Variants in MECOM observed in about 807,000 individuals in gnomAD.
MECOM encodes histone-lysine N-methyltransferase MECOM.
A neutral mutation model predicts 116.3 loss-of-function variants in MECOM; 13 were observed. The observed-to-expected ratio is 0.11, with a 90% CI of 0.07 to 0.18. The LOEUF (loss-of-function observed/expected upper bound fraction) is 0.18, where lower values mean the gene tolerates loss of function less well. Among genes scored for constraint, MECOM ranks in the 10% least tolerant of loss-of-function variants. The pLI is 1.00. For synonymous variants in MECOM, 528 were observed against 535.2 expected (o/e 0.99, Z 0.19); for missense variants, 1,299 against 1,509.0 (o/e 0.86, Z 2.31).
At chr3:169,569,953 A>G (rs915839682) in intron 1 of MECOM, among the ~76,000 whole-genome samples, 1 of 152,188 alleles carries the variant, frequency 6.6e-6, no homozygotes, top group Non-Finnish European at 1.5e-5. Flanking sequence ...AAGAGCAAAC[A>G]AATTCAAAAA....
intron 9 of MECOM, among the ~76,000 whole-genome samples, chr3:169,111,012 A>G (rs1727198127): frequency 6.6e-6 from 1 of 152,210 alleles, no homozygotes; most frequent in African/African-American, 2.4e-5. Context: ...TAAAATATAT[A>G]CCTACTACAT....
chr3:169,557,361 C>G (rs981776626), intron 1 of MECOM, among the ~76,000 whole-genome samples: 1 of 152,138 alleles, frequency 6.6e-6, no homozygotes, highest in African/African-American at 2.4e-5. Context: ...TAGTCACCAC[C>G]CCACCCTCAT....
chr3:169,300,853 T>C (rs1379286812), intron 2 of MECOM, among the ~76,000 whole-genome samples: 1 of 152,232 alleles, frequency 6.6e-6, no homozygotes. Flanking sequence ...ACTTCTATAC[T>C]GGAGCCTGGG....
At chr3:169,280,220 G>A (rs1288753095) in intron 2 of MECOM, among the ~76,000 whole-genome samples, 2 of 152,188 alleles carry the variant, frequency 1.3e-5, no homozygotes, top group Non-Finnish European at 2.9e-5. Context: ...GTCAAGATCA[G>A]CTAAATAAAC....
At chr3:169,370,606 A>T (rs1010424272) in intron 2 of MECOM, among the ~76,000 whole-genome samples, 3 of 151,994 alleles carry the variant, frequency 2.0e-5, no homozygotes, top group Non-Finnish European at 4.4e-5. Flanking sequence ...AATGGGAGAA[A>T]ATATTTGCAA....
At chr3:169,109,196 A>G (rs1726473133) in intron 9 of MECOM, among the ~76,000 whole-genome samples, 2 of 152,216 alleles carry the variant, frequency 1.3e-5, no homozygotes, top group Admixed American at 6.5e-5. Flanking sequence ...TTTCAAAATT[A>G]CAGTGACCAT....
intron 1 of MECOM, among the ~76,000 whole-genome samples, chr3:169,662,729 C>T (rs1169919183): frequency 6.6e-6 from 1 of 152,112 alleles, no homozygotes; most frequent in Non-Finnish European, 1.5e-5. Flanking sequence ...CCCGCCCGCG[C>T]AACTTCCAGC....
At chr3:169,211,185 CGTGGCA>C (rs1750683350) in intron 2 of MECOM, among the ~76,000 whole-genome samples, 1 of 152,078 alleles carries the variant, frequency 6.6e-6, no homozygotes, top group African/African-American at 2.4e-5. Context: ...TATTTCCCAA[CGTGGCA>C]GTACCATTTT....
chr3:169,258,233 G>GGAAGAA (rs149469046), intron 2 of MECOM, among the ~76,000 whole-genome samples: 379 of 151,736 alleles, frequency 2.5e-3, no homozygotes, highest in Non-Finnish European at 4.4e-3. Context: ...AAAAGGAAAA[G>GGAAGAA]AAAGAAAAAG....
intron 1 of MECOM, among the ~76,000 whole-genome samples, chr3:169,649,409 C>CAAAAAAAAAAAAAAAA (rs71634436): frequency 1.3e-5 from 1 of 74,450 alleles, no homozygotes; most frequent in Non-Finnish European, 2.4e-5. Context: ...AACTCCATCT[C>CAAAAAAAAAAAAAAAA]AAAAAAAAAA....
At chr3:169,444,447 T>C (rs1407860982) in intron 1 of MECOM, among the ~76,000 whole-genome samples, 1 of 152,116 alleles carries the variant, frequency 6.6e-6, no homozygotes, top group Admixed American at 6.5e-5. Flanking sequence ...AGTGAATAAG[T>C]CTCATGAGAT....
intron 2 of MECOM, among the ~76,000 whole-genome samples, chr3:169,166,971 T>G (rs1743692036): frequency 6.6e-6 from 1 of 152,088 alleles, no homozygotes; most frequent in Non-Finnish European, 1.5e-5. Context: ...CTGAGAGAGA[T>G]GAGTTTAAAG....
chr3:169,134,014 G>A (rs1315080736), intron 3 of MECOM: 29 of 1,194,530 alleles, frequency 2.4e-5, no homozygotes, highest in South Asian at 8.9e-5. Context: ...GTGGCTTCTC[G>A]GAAATAGTGA....
rs184370433 is a variant in MECOM, at chr3:169,365,257, A to T, written c.375+15930T>A. Among the ~76,000 whole-genome samples the T allele has an allele frequency of 2.6e-4, 40 of 152,198 alleles. No homozygotes were observed. The East Asian group carries it at 5.6e-3, about 21-fold the overall frequency. On this transcript the variant is annotated intron_variant, in intron 2 of 16. Transcript: ENST00000651503. ...ACACATCAGCAATAGCTAAAGACGG[A>T]TATGAAATAGCATTGCAAAAGGATA...
At chr3:169,464,404 C>G (rs1279084442) in intron 1 of MECOM, among the ~76,000 whole-genome samples, 4 of 152,194 alleles carry the variant, frequency 2.6e-5, no homozygotes, top group African/African-American at 7.2e-5. Context: ...AAGAAAATCT[C>G]AAAACACTAT....
intron 1 of MECOM, among the ~76,000 whole-genome samples, chr3:169,407,328 C>G (rs529792591): frequency 6.6e-6 from 1 of 152,278 alleles, no homozygotes; most frequent in South Asian, 2.1e-4. Flanking sequence ...CAACCAACTC[C>G]AGGTAATTCT....
chr3:169,091,840 CATAAA>C (rs1251607261), intron 14 of MECOM, among the ~76,000 whole-genome samples: 1 of 140,448 alleles, frequency 7.1e-6, no homozygotes, highest in African/African-American at 2.5e-5. Context: ...GAAAAAATTA[CATAAA>C]ATAATTAATT....
At chr3:169,535,031 C>G (rs369244419) in intron 1 of MECOM, among the ~76,000 whole-genome samples, 1 of 152,178 alleles carries the variant, frequency 6.6e-6, no homozygotes, top group Non-Finnish European at 1.5e-5. Context: ...TGCTGGTGAA[C>G]GCAGAAACAA....
At chr3:169,497,505 C>A (rs551570477) in intron 1 of MECOM, among the ~76,000 whole-genome samples, 69 of 152,042 alleles carry the variant, frequency 4.5e-4, no homozygotes, top group South Asian at 1.0e-3. Flanking sequence ...GCCACCAGGC[C>A]CGGCTAATTT....
Sources: gnomAD v4.1 joint callset for allele counts (sites outside exome capture counted in the v4.1 genomes callset) on GRCh38, gnomAD v4.1.1 for gene constraint, MANE v1.5 for transcripts, NCBI Gene and HGNC (gene_info 2026-07-23, HGNC 2026-07-21) for gene names.